Variants in GRIP1 observed in about 807,000 individuals in gnomAD.
GRIP1 encodes the protein glutamate receptor-interacting protein 1.
In GRIP1, 45 loss-of-function variants were observed where a neutral mutation model predicts 129.9. The ratio of observed to expected loss-of-function variants is 0.35; its 90% CI spans 0.27 to 0.44. The LOEUF (loss-of-function observed/expected upper bound fraction) is 0.44. Among genes scored for constraint, GRIP1 ranks in the 20% least tolerant of loss-of-function variants. The probability of loss-of-function intolerance (pLI) is 1.00; values close to 1 mark genes in which losing one functional copy is unlikely to be tolerated. For missense variants in GRIP1, 1,196 were observed against 1,396.8 expected, an observed-to-expected ratio of 0.86 and a Z score of 2.29; for synonymous variants, 530 against 520.8, an observed-to-expected ratio of 1.02 and a Z score of -0.24.
intron 2 of GRIP1, among the ~76,000 whole-genome samples, chr12:66,589,422 C>G (rs1323699598): frequency 6.6e-6 from 1 of 152,138 alleles, no homozygotes; most frequent in Non-Finnish European, 1.5e-5. Context: ...TTCTGCACTA[C>G]AAATCAACAA....
chr12:66,744,745 G>A (rs1049718831), intron 1 of GRIP1, among the ~76,000 whole-genome samples: 28 of 151,994 alleles, frequency 1.8e-4, no homozygotes, highest in Non-Finnish European at 4.0e-4. Flanking sequence ...ACCCAGTGCC[G>A]CCCAGCCTTT....
At chr12:66,708,925 A>G (rs2035624559) in intron 1 of GRIP1, among the ~76,000 whole-genome samples, 1 of 151,884 alleles carries the variant, frequency 6.6e-6, no homozygotes, top group African/African-American at 2.4e-5. Context: ...GTTGACACGA[A>G]AGAAACATAA....
At chr12:66,865,472 G>GTT (rs34415330) in intron 1 of GRIP1, among the ~76,000 whole-genome samples, 1 of 146,282 alleles carries the variant, frequency 6.8e-6, no homozygotes, top group African/African-American at 2.5e-5. Context: ...CTTTGTGGTA[G>GTT]TTTTTTTTTT....
At chr12:66,809,947 C>T (rs2136948377) in intron 1 of GRIP1, among the ~76,000 whole-genome samples, 1 of 152,230 alleles carries the variant, frequency 6.6e-6, no homozygotes, top group South Asian at 2.1e-4. Context: ...TGAGCCACCA[C>T]ACCTGGCTTA....
intron 1 of GRIP1, among the ~76,000 whole-genome samples, chr12:66,609,756 T>C (rs552350973): frequency 4.6e-5 from 7 of 152,296 alleles, no homozygotes; most frequent in South Asian, 4.1e-4. Context: ...TGGAGCATTA[T>C]ACTCAGGACT....
At chr12:66,451,888 T>C (rs546977173) in intron 11 of GRIP1, among the ~76,000 whole-genome samples, 2 of 152,324 alleles carry the variant, frequency 1.3e-5, no homozygotes, top group East Asian at 3.9e-4. Flanking sequence ...TGGTCACTTA[T>C]AAAAGCTTAC....
Position 66,371,685 on chromosome 12 carries a change from C to T in GRIP1, c.3012+9G>A, listed in dbSNP as rs779023536. 35 of 1,577,426 alleles carry T rather than the reference C, an allele frequency of 2.2e-5. No individual in the cohort carries two copies. The South Asian group carries it at 3.8e-4, about 17-fold the overall frequency. ...TTGACCCTAGGGAAAGAAGAGAAAGCTTACTGACCTTGTGCAGCTCCACAG... is the reference window on the plus strand; with the variant it reads ...TTGACCCTAGGGAAAGAAGAGAAAGTTTACTGACCTTGTGCAGCTCCACAG... On this transcript the variant is annotated intron_variant, in intron 23 of 24. Coordinates refer to ENST00000359742, the MANE Select transcript of GRIP1 (RefSeq NM_001366722.1).
intron 1 of GRIP1, among the ~76,000 whole-genome samples, chr12:66,822,921 G>A (rs972089142): frequency 6.6e-6 from 1 of 152,126 alleles, no homozygotes; most frequent in Non-Finnish European, 1.5e-5. Context: ...CCCCAAACCT[G>A]AGCATCACAT....
chr12:66,517,092 G>T (rs940446513), intron 6 of GRIP1, among the ~76,000 whole-genome samples: 1 of 152,088 alleles, frequency 6.6e-6, no homozygotes, highest in Non-Finnish European at 1.5e-5. Context: ...CTTAACAAAG[G>T]TTTTTAAGTT....
intron 19 of GRIP1, among the ~76,000 whole-genome samples, chr12:66,385,204 GAAAA>G (rs1234198711): frequency 6.6e-6 from 1 of 152,160 alleles, no homozygotes; most frequent in Non-Finnish European, 1.5e-5. Flanking sequence ...TAAATAAGTT[GAAAA>G]AAGAAATAAT....
chr12:66,602,848 C>CTT (rs71436016), intron 1 of GRIP1, among the ~76,000 whole-genome samples: 6,585 of 71,444 alleles, frequency 0.092, 1,962 homozygotes, highest in Non-Finnish European at 0.12. Flanking sequence ...AGATCTTTTG[C>CTT]TTTTTTTTTT....
intron 1 of GRIP1, among the ~76,000 whole-genome samples, chr12:66,852,462 T>TA (rs938153139): frequency 6.6e-6 from 1 of 150,866 alleles, no homozygotes; most frequent in Admixed American, 6.6e-5. Context: ...CCCCAAAAAA[T>TA]AAAAAAATGA....
chr12:66,853,487 G>A (rs965045094), intron 1 of GRIP1, among the ~76,000 whole-genome samples: 1 of 151,902 alleles, frequency 6.6e-6, no homozygotes, highest in African/African-American at 2.4e-5. Context: ...GTATCTGAGG[G>A]AGCCATTTTA....
intron 1 of GRIP1, among the ~76,000 whole-genome samples, chr12:66,657,859 A>AG (rs1215744435): frequency 6.6e-6 from 1 of 152,232 alleles, no homozygotes; most frequent in Non-Finnish European, 1.5e-5. Context: ...AGGCGACAGG[A>AG]GGGATTCTAT....
At chr12:66,465,604 C>A (rs527666546) in intron 7 of GRIP1, among the ~76,000 whole-genome samples, 182 bp from the exon 8 acceptor site, 7 of 152,212 alleles carry the variant, frequency 4.6e-5, no homozygotes, top group Non-Finnish European at 1.0e-4. Flanking sequence ...TCTTAACACA[C>A]CTGTTCCATT....
chr12:66,521,834 A>C (rs1056229930), intron 5 of GRIP1, among the ~76,000 whole-genome samples: 2 of 152,166 alleles, frequency 1.3e-5, no homozygotes, highest in Non-Finnish European at 2.9e-5. Context: ...GGCTTAAAAA[A>C]CAGCACACCA....
intron 15 of GRIP1, among the ~76,000 whole-genome samples, chr12:66,417,903 C>T (rs191524535): frequency 2.6e-5 from 4 of 152,068 alleles, no homozygotes; most frequent in Admixed American, 2.6e-4. Flanking sequence ...TATCAAAATA[C>T]CAATGACAGT....
chr12:66,980,073 A>G (rs923815187), intron 1 of GRIP1, among the ~76,000 whole-genome samples: 2 of 152,190 alleles, frequency 1.3e-5, no homozygotes, highest in African/African-American at 2.4e-5. Flanking sequence ...CCCCTCTTTC[A>G]TAAGACTTCA....
upstream of GRIP1, among the ~76,000 whole-genome samples, chr12:67,069,334 G>GGCGGCGGC (rs2043694799): frequency 7.9e-6 from 1 of 126,108 alleles, no homozygotes; most frequent in Non-Finnish European, 1.8e-5. Context: ...GGCGGCGGCC[G>GGCGGCGGC]GGCCGGGCCG....
Sources: gnomAD v4.1 joint callset for allele counts (sites outside exome capture counted in the v4.1 genomes callset) on GRCh38, gnomAD v4.1.1 for gene constraint, MANE v1.5 for transcripts, NCBI Gene and HGNC (gene_info 2026-07-23, HGNC 2026-07-21) for gene names.